Variants in STARD13 observed in about 807,000 individuals in gnomAD.
STARD13 encodes the protein stAR-related lipid transfer protein 13.
Under a neutral mutation model 106.4 loss-of-function variants are expected in STARD13, and 62 were observed. That is an observed-to-expected ratio of 0.58 (90% CI 0.48 to 0.72). The LOEUF (loss-of-function observed/expected upper bound fraction) is 0.72. Ranked by LOEUF, STARD13 falls within the 30% of genes least tolerant of loss-of-function variation. The pLI, the probability that STARD13 is intolerant of heterozygous loss-of-function variation, is 0.00. For missense variants in STARD13, 1,387 were observed against 1,424.0 expected (o/e 0.97, Z 0.42); for synonymous variants, 565 against 553.0 (o/e 1.02, Z -0.31).
chr13:33,446,374 CA>C, the STARD13 span, among the ~76,000 whole-genome samples: 1 of 151,690 alleles, frequency 6.6e-6, no homozygotes, highest in African/African-American at 2.4e-5. Context: ...AGGGAAGAGA[CA>C]GGGATGATCA....
At chr13:33,474,124 T>G in the STARD13 span, among the ~76,000 whole-genome samples, 1 of 152,134 alleles carries the variant, frequency 6.6e-6, no homozygotes, top group Non-Finnish European at 1.5e-5. Flanking sequence ...AGTTTGGCCT[T>G]TCCATGGGCC....
At chr13:33,456,468 G>A in the STARD13 span, among the ~76,000 whole-genome samples, 3 of 152,164 alleles carry the variant, frequency 2.0e-5, no homozygotes, top group Non-Finnish European at 4.4e-5. Context: ...GGGATTACAG[G>A]TGTGAGCCAC....
the STARD13 span, among the ~76,000 whole-genome samples, chr13:33,431,224 C>A: frequency 6.6e-6 from 1 of 151,798 alleles, no homozygotes; most frequent in East Asian, 1.9e-4. Context: ...GATAAAACAT[C>A]GTTTAATAAA....
At chr13:33,207,582 G>A (rs1259409056) in intron 1 of STARD13, among the ~76,000 whole-genome samples, 1 of 152,170 alleles carries the variant, frequency 6.6e-6, no homozygotes, top group Non-Finnish European at 1.5e-5. Context: ...AGTAACACGA[G>A]AGATTTTGTT....
At chr13:33,204,745 C>G (rs1243425258) in intron 1 of STARD13, among the ~76,000 whole-genome samples, 1 of 152,242 alleles carries the variant, frequency 6.6e-6, no homozygotes, top group Non-Finnish European at 1.5e-5. Context: ...AACAGTTCTC[C>G]TCTCAGCTCT....
chr13:33,333,420 G>A (rs1009821588), intron 1 of STARD13, among the ~76,000 whole-genome samples: 3 of 152,080 alleles, frequency 2.0e-5, no homozygotes, highest in African/African-American at 7.2e-5. Flanking sequence ...TTTCAACTAT[G>A]CCTTCTCCAT....
chr13:33,276,403 A>G (rs1891434533), intron 1 of STARD13, among the ~76,000 whole-genome samples: 1 of 152,220 alleles, frequency 6.6e-6, no homozygotes, highest in African/African-American at 2.4e-5. Context: ...TTTCTCAAAT[A>G]AGAACTCCGT....
At chr13:33,533,595 C>T in the STARD13 span, among the ~76,000 whole-genome samples, 7 of 152,032 alleles carry the variant, frequency 4.6e-5, no homozygotes, top group East Asian at 1.4e-3. Flanking sequence ...AAGTTGTTTC[C>T]ATTCAATAAA....
At chr13:33,238,160 A>G (rs1889286822) in intron 1 of STARD13, among the ~76,000 whole-genome samples, 1 of 152,184 alleles carries the variant, frequency 6.6e-6, no homozygotes, top group Non-Finnish European at 1.5e-5. Flanking sequence ...ATCCATTAAT[A>G]CAGCACCACA....
chr13:33,499,604 T>TTCTTTCTTCTTCTTCTTC, the STARD13 span, among the ~76,000 whole-genome samples: 3 of 39,862 alleles, frequency 7.5e-5, no homozygotes, highest in Admixed American at 3.2e-4. Flanking sequence ...CTTCTTCTTC[T>TTCTTTCTTCTTCTTCTTC]TTCTTCTTCT....
At chr13:33,186,319 G>GT (rs1443357507) in intron 1 of STARD13, among the ~76,000 whole-genome samples, 1 of 152,174 alleles carries the variant, frequency 6.6e-6, no homozygotes, top group Non-Finnish European at 1.5e-5. Context: ...GTAAGGTGGG[G>GT]TATGTTCCAC....
chr13:33,487,532 AG>A, the STARD13 span, among the ~76,000 whole-genome samples: 3 of 152,230 alleles, frequency 2.0e-5, no homozygotes, highest in African/African-American at 7.2e-5. Flanking sequence ...CTCTAAAAGG[AG>A]GAGAGACATT....
At chr13:33,430,096 T>C in the STARD13 span, among the ~76,000 whole-genome samples, 2 of 152,158 alleles carry the variant, frequency 1.3e-5, no homozygotes, top group Non-Finnish European at 2.9e-5. Flanking sequence ...TTTTTGTAAT[T>C]TTAGTAGAGA....
chr13:33,494,243 C>T, the STARD13 span, among the ~76,000 whole-genome samples: 2 of 152,110 alleles, frequency 1.3e-5, no homozygotes, highest in East Asian at 3.9e-4. Context: ...CCCAGTATCC[C>T]CTTTCTGATG....
chr13:33,266,307 G>A (rs1890893425), intron 1 of STARD13, among the ~76,000 whole-genome samples: 1 of 152,102 alleles, frequency 6.6e-6, no homozygotes, highest in Non-Finnish European at 1.5e-5. Context: ...GTTTAGGCAG[G>A]GCCTGCATAA....
chr13:33,385,241 A>ATATATATG, the STARD13 span, among the ~76,000 whole-genome samples: 24 of 125,338 alleles, frequency 1.9e-4, 2 homozygotes, highest in East Asian at 5.1e-3. Context: ...ATATATATAT[A>ATATATATG]TATATATATA....
chr13:33,177,138 G>A (rs1409950560), intron 1 of STARD13, among the ~76,000 whole-genome samples: 12 of 152,256 alleles, frequency 7.9e-5, no homozygotes. Context: ...CTAGCTTTGA[G>A]GAATATGACA....
At chr13:33,237,711 T>G (rs1341294408) in intron 1 of STARD13, among the ~76,000 whole-genome samples, 2 of 152,192 alleles carry the variant, frequency 1.3e-5, no homozygotes, top group African/African-American at 4.8e-5. Context: ...ACCAAAAAAT[T>G]TTAAGGAAAA....
chr13:33,350,245 C>G, intron 1 of STARD13: 1 of 1,500,544 alleles, frequency 6.7e-7, no homozygotes, highest in East Asian at 2.6e-5. Context: ...ACGGGGCCGG[C>G]GCCTCCCCCG....
Sources: gnomAD v4.1 joint callset for allele counts (sites outside exome capture counted in the v4.1 genomes callset) on GRCh38, gnomAD v4.1.1 for gene constraint, MANE v1.5 for transcripts, NCBI Gene and HGNC (gene_info 2026-07-23, HGNC 2026-07-21) for gene names.